Variants in TPTE2 observed in about 807,000 individuals in gnomAD.
TPTE2 encodes the protein transmembrane phosphoinositide 3-phosphatase and tensin homolog 2, also known as phosphatidylinositol 3,4,5-trisphosphate 3-phosphatase TPTE2.
TPTE2 carries 53 observed loss-of-function variants against 78.6 expected under a neutral mutation model. The observed-to-expected ratio is 0.67, with a 90% confidence interval of 0.54 to 0.85. TPTE2 has a LOEUF of 0.85. Among genes scored for constraint, TPTE2 ranks in the 40% least tolerant of loss-of-function variants. The probability of loss-of-function intolerance (pLI) is 0.00; values close to 1 mark genes in which losing one functional copy is unlikely to be tolerated. For missense variants in TPTE2, 461 were observed against 623.0 expected (o/e 0.74, Z 2.77); for synonymous variants, 175 against 206.2 (o/e 0.85, Z 1.30).
intron 6 of TPTE2, among the ~76,000 whole-genome samples, chr13:19,470,328 AT>A (rs1879528644): frequency 6.6e-6 from 1 of 152,124 alleles, no homozygotes; most frequent in Non-Finnish European, 1.5e-5. Flanking sequence ...AATGTATCGC[AT>A]TGATTGATTT....
At chr13:19,527,173 G>A (rs936263447) in intron 1 of TPTE2, among the ~76,000 whole-genome samples, 7 of 152,166 alleles carry the variant, frequency 4.6e-5, no homozygotes, top group African/African-American at 1.7e-4. Flanking sequence ...GCTGGGAAGT[G>A]CGTGTCGGTT....
chr13:19,516,808 TCGTATTTTTAAGGACATTAACAGG>T (rs1464262128), intron 1 of TPTE2, among the ~76,000 whole-genome samples: 1 of 152,238 alleles, frequency 6.6e-6, no homozygotes, highest in Non-Finnish European at 1.5e-5. Flanking sequence ...GCCTAAAATG[TCGTATTTTTAAGGACATTAACAGG>T]CATAGAATGA....
intron 1 of TPTE2, among the ~76,000 whole-genome samples, chr13:19,499,922 AAGAG>A (rs1229928495): frequency 6.9e-6 from 1 of 144,594 alleles, no homozygotes; most frequent in East Asian, 1.9e-4. Context: ...TAAAGAAAAA[AAGAG>A]AGAAGAATCT....
At chr13:19,440,196 G>A (rs1877396952) in intron 13 of TPTE2, among the ~76,000 whole-genome samples, 1 of 152,136 alleles carries the variant, frequency 6.6e-6, no homozygotes, top group Non-Finnish European at 1.5e-5. Context: ...TAAAGGCACT[G>A]CAGAAAAAGG....
intron 19 of TPTE2, among the ~76,000 whole-genome samples, chr13:19,424,251 A>C (rs142918817): frequency 0.017 from 2,557 of 152,344 alleles, 69 homozygotes; most frequent in African/African-American, 0.058. Context: ...ATACAAAAAA[A>C]AATCTCAATT....
chr13:19,424,244 CA>C lies in TPTE2; in HGVS notation c.1466+702del, dbSNP rs200288566. On this transcript the variant is annotated intron_variant, in intron 19 of 19. Transcript: ENST00000400230. Reference sequence around the variant, plus strand: ...TTTGTATTGAAGAGTATGGTTGATACAAAAAAAAATCTCAATTTTTCACCAT... The same window carrying C: ...TTTGTATTGAAGAGTATGGTTGATACAAAAAAAATCTCAATTTTTCACCAT... 8.3e-4 allele frequency among the ~76,000 whole-genome samples: 126 copies of C among 151,498 alleles called. No homozygotes were observed. The East Asian group carries it at 0.022, about 27-fold the overall frequency.
chr13:19,531,324 T>C (rs371245328), intron 1 of TPTE2, among the ~76,000 whole-genome samples: 3 of 152,274 alleles, frequency 2.0e-5, no homozygotes, highest in African/African-American at 7.2e-5. Context: ...GCAATTTACA[T>C]CTTTATTTTT....
chr13:19,487,418 A>G (rs1593390618), intron 3 of TPTE2, among the ~76,000 whole-genome samples: 1 of 152,046 alleles, frequency 6.6e-6, no homozygotes, highest in Non-Finnish European at 1.5e-5. Context: ...GCTGTTTCTC[A>G]GGTCCTGAGC....
chr13:19,559,136 A>G, the TPTE2 span, among the ~76,000 whole-genome samples: 1 of 152,268 alleles, frequency 6.6e-6, no homozygotes. Flanking sequence ...AACTCTGAAA[A>G]TATAAAAATT....
intron 1 of TPTE2, among the ~76,000 whole-genome samples, chr13:19,517,835 T>C (rs1869899268): frequency 6.6e-6 from 1 of 152,030 alleles, no homozygotes; most frequent in Non-Finnish European, 1.5e-5. Context: ...AGATACTCAT[T>C]AAAGATGAGG....
At chr13:19,537,925 A>C (rs567427664), upstream of TPTE2, among the ~76,000 whole-genome samples, 7 of 152,098 alleles carry the variant, frequency 4.6e-5, no homozygotes, top group Non-Finnish European at 1.0e-4. Context: ...TTTTTAATGC[A>C]CTATTTTTCC....
exon 6 of TPTE2, chr13:19,473,979 A>G (rs1879787899): frequency 6.2e-7 from 1 of 1,608,930 alleles, no homozygotes. Context: ...GAGAAATAGA[A>G]CGATACTCCA....
chr13:19,490,828 C>T (rs1880947347), intron 3 of TPTE2, among the ~76,000 whole-genome samples: 1 of 152,196 alleles, frequency 6.6e-6, no homozygotes, highest in South Asian at 2.1e-4. Flanking sequence ...CAGCTCCCTG[C>T]CCACTGTTAC....
At chr13:19,462,422 A>C (rs1878983159) in intron 10 of TPTE2, among the ~76,000 whole-genome samples, 1 of 151,536 alleles carries the variant, frequency 6.6e-6, no homozygotes, top group Non-Finnish European at 1.5e-5. Context: ...TGAATATATC[A>C]TCCCATCTTA....
At chr13:19,426,050 C>A (rs952752997) in intron 18 of TPTE2, among the ~76,000 whole-genome samples, 2 of 151,296 alleles carry the variant, frequency 1.3e-5, no homozygotes, top group African/African-American at 4.9e-5. Context: ...CAGAGTGAGA[C>A]CCTGTCTCAA....
intron 1 of TPTE2, among the ~76,000 whole-genome samples, chr13:19,514,625 G>GTGTGTGTGTGTGTGTGTGTC (rs1185785729): frequency 6.7e-6 from 1 of 149,912 alleles, no homozygotes; most frequent in South Asian, 2.1e-4. Context: ...GTGTGTGTGT[G>GTGTGTGTGTGTGTGTGTGTC]TGTGTCTGTG....
rs1019892192 is a variant in TPTE2, at chr13:19,513,552, C to T, written c.-43-10275G>A. Among the ~76,000 whole-genome samples, 46 of 152,148 alleles carry T rather than the reference C, an allele frequency of 3.0e-4. 2 individuals are homozygous for T. Among genetic ancestry groups the T allele is most frequent in the Non-Finnish European group, 4.4e-5 (3 of 68,026 alleles). On this transcript the variant is annotated intron_variant, in intron 1 of 17. Transcript: ENST00000390680. The stretch of plus-strand genomic sequence containing the variant: ...TTGAAAGGTAAATAGCAAGAAACAA[C>T]ATAAATGCATACACGACTTTTTTTG...
chr13:19,542,710 G>C, the TPTE2 span, among the ~76,000 whole-genome samples: 2 of 152,122 alleles, frequency 1.3e-5, no homozygotes, highest in Non-Finnish European at 2.9e-5. Flanking sequence ...TATATTTCAT[G>C]TAGGCCAGGC....
chr13:19,511,049 C>A (rs2137694181), intron 1 of TPTE2, among the ~76,000 whole-genome samples: 1 of 152,292 alleles, frequency 6.6e-6, no homozygotes, highest in East Asian at 1.9e-4. Flanking sequence ...ATTGGGAGAG[C>A]AATAGGCAGT....
Sources: allele counts gnomAD v4.1 joint callset (sites outside exome capture counted in the v4.1 genomes callset), GRCh38; gene constraint gnomAD v4.1.1; transcripts MANE v1.5; gene names NCBI Gene and HGNC (gene_info 2026-07-23, HGNC 2026-07-21).